DGKB: variants seen among roughly 807,000 people sequenced by gnomAD.
DGKB encodes diacylglycerol kinase beta.
DGKB carries 67 observed loss-of-function variants against 114.3 expected under a neutral mutation model. The ratio of observed to expected loss-of-function variants is 0.59; its 90% confidence interval spans 0.48 to 0.72. The LOEUF (loss-of-function observed/expected upper bound fraction) is 0.72, where lower values mean the gene tolerates loss of function less well. Among genes scored for constraint, DGKB ranks in the 30% least tolerant of loss-of-function variants. DGKB has a pLI of 0.00. For missense variants in DGKB, 907 were observed against 975.2 expected, an observed-to-expected ratio of 0.93 and a Z score of 0.93; for synonymous variants, 398 against 323.1, an observed-to-expected ratio of 1.23 and a Z score of -2.49.
intron 6 of DGKB, among the ~76,000 whole-genome samples, chr7:14,708,675 T>C (rs957550632): frequency 1.6e-4 from 24 of 151,634 alleles, no homozygotes; most frequent in Non-Finnish European, 4.4e-5. Context: ...CCTACAACTG[T>C]CTGATCTTTG....
intron 23 of DGKB, among the ~76,000 whole-genome samples, chr7:14,185,070 A>C (rs1490687985): frequency 6.6e-6 from 1 of 152,176 alleles, no homozygotes; most frequent in Admixed American, 6.5e-5. Flanking sequence ...AAATCGGTAA[A>C]GAGGAAGTAA....
intron 23 of DGKB, among the ~76,000 whole-genome samples, chr7:14,285,993 TGTA>T (rs2128463906): frequency 6.6e-6 from 1 of 152,252 alleles, no homozygotes; most frequent in South Asian, 2.1e-4. Flanking sequence ...AGGTTTTTGT[TGTA>T]GTTGTTTTCT....
intron 20 of DGKB, among the ~76,000 whole-genome samples, chr7:14,543,123 A>C (rs530294851): frequency 1.3e-5 from 2 of 152,192 alleles, no homozygotes; most frequent in Non-Finnish European, 2.9e-5. Context: ...CCATTTTATT[A>C]ATACTACAGT....
chr7:14,237,327 T>C (rs1298086847), intron 23 of DGKB, among the ~76,000 whole-genome samples: 1 of 151,912 alleles, frequency 6.6e-6, no homozygotes, highest in African/African-American at 2.4e-5. Flanking sequence ...CCTTCCTCCA[T>C]TCCTCCCTTT....
intron 13 of DGKB, among the ~76,000 whole-genome samples, chr7:14,671,456 G>T (rs1818949154): frequency 1.3e-5 from 2 of 152,080 alleles, no homozygotes; most frequent in South Asian, 4.1e-4. Flanking sequence ...TGAATCTTCA[G>T]AATAAAAACT....
intron 21 of DGKB, among the ~76,000 whole-genome samples, chr7:14,477,943 G>C (rs1157865972): frequency 2.0e-5 from 3 of 151,848 alleles, no homozygotes; most frequent in African/African-American, 7.3e-5. Flanking sequence ...GAATGAAATA[G>C]AGATGACCCA....
intron 15 of DGKB, among the ~76,000 whole-genome samples, chr7:14,619,397 T>C (rs148960878): frequency 2.2e-3 from 330 of 151,762 alleles, no homozygotes; most frequent in Non-Finnish European, 3.9e-3. Context: ...AAATAGAAAA[T>C]AAAATCAAAC....
intron 11 of DGKB, 35 bp from the exon 12 acceptor site, chr7:14,682,704 A>G: frequency 6.2e-7 from 1 of 1,605,796 alleles, no homozygotes; most frequent in Non-Finnish European, 8.5e-7. Flanking sequence ...ATAAGAGGAC[A>G]CACTACATAA....
intron 23 of DGKB, among the ~76,000 whole-genome samples, chr7:14,206,892 CAATG>C (rs1306199475): frequency 2.6e-5 from 4 of 151,950 alleles, no homozygotes; most frequent in African/African-American, 9.7e-5. Context: ...TACTACATGA[CAATG>C]AGTAGTAAAG....
intron 20 of DGKB, among the ~76,000 whole-genome samples, chr7:14,496,733 C>G: frequency 6.6e-6 from 1 of 151,750 alleles, no homozygotes. Flanking sequence ...TTTTTGAAAA[C>G]AGAAGCAATA....
chr7:14,731,214 A>G (rs986979345), intron 5 of DGKB, among the ~76,000 whole-genome samples: 4 of 152,194 alleles, frequency 2.6e-5, no homozygotes, highest in African/African-American at 9.7e-5. Flanking sequence ...TTTGTGCAGA[A>G]TCTAATTAAT....
At position 14,630,230 on chromosome 7, in the gene DGKB, A is replaced by G; in HGVS notation, c.1167+6T>C. ...TAAGTGTGAAAACCTGTTTTTGCTT[A>G]CGCACCTCAGGAACTGAAACTCCTG... On this transcript the variant is annotated splice_donor_region_variant and intron_variant, in intron 14 of 25. Transcript: ENST00000402815. 2 of 1,547,058 alleles carry G rather than the reference A, an allele frequency of 1.3e-6. No homozygotes were observed. Among genetic ancestry groups the G allele is most frequent in the Non-Finnish European group, 1.7e-6 (2 of 1,145,634 alleles).
chr7:14,453,679 G>C (rs998977841), intron 21 of DGKB, among the ~76,000 whole-genome samples: 7 of 152,074 alleles, frequency 4.6e-5, no homozygotes, highest in African/African-American at 1.2e-4. Flanking sequence ...TCTATCACAG[G>C]AGTAGTAAAC....
At chr7:14,761,902 C>T (rs61058262) in intron 2 of DGKB, among the ~76,000 whole-genome samples, 1,590 of 152,182 alleles carry the variant, frequency 0.01, 21 homozygotes, top group African/African-American at 0.035. Flanking sequence ...TGGACAGATG[C>T]GCAGCACAAA....
intron 21 of DGKB, among the ~76,000 whole-genome samples, chr7:14,404,751 A>C (rs554439778): frequency 6.6e-6 from 1 of 151,680 alleles, no homozygotes; most frequent in East Asian, 2.0e-4. Context: ...TGCTTGTCTT[A>C]CTGGGCCTTC....
At chr7:14,196,976 A>T (rs1419308575) in intron 23 of DGKB, among the ~76,000 whole-genome samples, 1 of 152,134 alleles carries the variant, frequency 6.6e-6, no homozygotes, top group South Asian at 2.1e-4. Context: ...GACTAATCGT[A>T]GTGTGAAAAG....
At chr7:14,918,870 T>C (rs1434965661) in intron 1 of DGKB, among the ~76,000 whole-genome samples, 1 of 151,844 alleles carries the variant, frequency 6.6e-6, no homozygotes, top group Non-Finnish European at 1.5e-5. Flanking sequence ...TGAAACCAAC[T>C]GGCCAACACG....
At chr7:14,579,694 T>A (rs1799648662) in intron 19 of DGKB, among the ~76,000 whole-genome samples, 1 of 152,106 alleles carries the variant, frequency 6.6e-6, no homozygotes, top group South Asian at 2.1e-4. Flanking sequence ...CTTGACTTAG[T>A]CAAGCACGTA....
chr7:14,462,025 T>C (rs1833156145), intron 21 of DGKB, among the ~76,000 whole-genome samples: 1 of 152,200 alleles, frequency 6.6e-6, no homozygotes, highest in Non-Finnish European at 1.5e-5. Flanking sequence ...TCTCAATAGA[T>C]GCAGAAAAGG....
Sources: allele counts gnomAD v4.1 joint callset (sites outside exome capture counted in the v4.1 genomes callset), GRCh38; gene constraint gnomAD v4.1.1; transcripts MANE v1.5; gene names NCBI Gene and HGNC (gene_info 2026-07-23, HGNC 2026-07-21).